AKT3: variants seen among roughly 807,000 people sequenced by gnomAD.
AKT3 encodes RAC-gamma serine/threonine-protein kinase.
A neutral mutation model predicts 65.3 loss-of-function variants in AKT3; 15 were observed. The ratio of observed to expected loss-of-function variants is 0.23; its 90% CI spans 0.15 to 0.35. AKT3 has a LOEUF of 0.35. AKT3 is among the 10% of genes least tolerant of loss of function. The probability of loss-of-function intolerance (pLI) is 1.00; values close to 1 mark genes in which losing one functional copy is unlikely to be tolerated. For missense variants in AKT3, 243 were observed against 576.5 expected (o/e 0.42, Z 5.92); for synonymous variants, 206 against 183.8 (o/e 1.12, Z -0.98).
At chr1:243,706,260 C>G (rs921895422) in intron 2 of AKT3, among the ~76,000 whole-genome samples, 2 of 152,194 alleles carry the variant, frequency 1.3e-5, no homozygotes, top group Admixed American at 6.5e-5. Flanking sequence ...AGAGAAGTCT[C>G]TCTATAACAC....
chr1:243,534,203 T>G (rs1671746843), intron 12 of AKT3, among the ~76,000 whole-genome samples: 1 of 152,262 alleles, frequency 6.6e-6, no homozygotes, highest in South Asian at 2.1e-4. Context: ...AAGATAGGCA[T>G]GCTCATAGTA....
At chr1:243,571,142 C>T (rs1674531183) in intron 9 of AKT3, among the ~76,000 whole-genome samples, 2 of 152,020 alleles carry the variant, frequency 1.3e-5, no homozygotes, top group Admixed American at 1.3e-4. Context: ...CTCCGTGAAA[C>T]CCTGTCTCTA....
intron 8 of AKT3, among the ~76,000 whole-genome samples, chr1:243,596,049 A>T (rs1386194268): frequency 6.6e-6 from 1 of 152,216 alleles, no homozygotes; most frequent in Non-Finnish European, 1.5e-5. Flanking sequence ...CAACATTTAC[A>T]TCACTAGGCA....
intron 2 of AKT3, among the ~76,000 whole-genome samples, chr1:243,742,098 A>C (rs1461563139): frequency 6.6e-6 from 1 of 151,610 alleles, no homozygotes; most frequent in Non-Finnish European, 1.5e-5. Context: ...TAACAATAGA[A>C]CAATATATGC....
chr1:243,686,642 TATATATA>T (rs1684324778), intron 3 of AKT3, among the ~76,000 whole-genome samples: 2 of 25,762 alleles, frequency 7.8e-5, no homozygotes, highest in Admixed American at 4.5e-4. Flanking sequence ...TATATATATA[TATATATA>T]TATTTTTTTT....
intron 5 of AKT3, among the ~76,000 whole-genome samples, chr1:243,639,528 G>C (rs1171986470): frequency 4.6e-5 from 7 of 152,108 alleles, no homozygotes; most frequent in African/African-American, 1.4e-4. Context: ...GTGACCTCCG[G>C]TTGTCCCCAC....
chr1:243,829,581 C>G (rs1190295700), intron 2 of AKT3, among the ~76,000 whole-genome samples: 1 of 151,966 alleles, frequency 6.6e-6, no homozygotes, highest in Non-Finnish European at 1.5e-5. Flanking sequence ...AAGGATAGGC[C>G]TCATATTTAA....
At chr1:243,798,733 C>T (rs2148359876) in intron 2 of AKT3, among the ~76,000 whole-genome samples, 1 of 152,220 alleles carries the variant, frequency 6.6e-6, no homozygotes, top group East Asian at 1.9e-4. Context: ...TTCTCTATTC[C>T]TCTCCACAAC....
At chr1:243,839,130 TATA>T (rs1695077833) in intron 2 of AKT3, among the ~76,000 whole-genome samples, 1 of 152,180 alleles carries the variant, frequency 6.6e-6, no homozygotes, top group African/African-American at 2.4e-5. Flanking sequence ...GTTAATAAAT[TATA>T]ATAAGCCCTT....
chr1:243,774,783 T>TA (rs35043391), intron 2 of AKT3, among the ~76,000 whole-genome samples: 1 of 152,148 alleles, frequency 6.6e-6, no homozygotes, highest in South Asian at 2.1e-4. Context: ...AAAATTCACA[T>TA]AAGGAAAAAA....
At chr1:243,573,938 G>A (rs1219578336) in intron 8 of AKT3, among the ~76,000 whole-genome samples, 1 of 152,182 alleles carries the variant, frequency 6.6e-6, no homozygotes, top group Non-Finnish European at 1.5e-5. Context: ...TTCAGGCACT[G>A]TGAATTGACT....
intron 3 of AKT3, among the ~76,000 whole-genome samples, chr1:243,667,488 T>G (rs1682877447): frequency 1.3e-5 from 2 of 151,934 alleles, no homozygotes; most frequent in South Asian, 4.2e-4. Flanking sequence ...TCACATTCAC[T>G]CCTCCTGCAA....
intron 13 of AKT3, among the ~76,000 whole-genome samples, chr1:243,507,443 T>C (rs1669741753): frequency 6.6e-6 from 1 of 152,218 alleles, no homozygotes; most frequent in Non-Finnish European, 1.5e-5. Context: ...CCATCATTCC[T>C]GCCCCTTTCT....
intron 2 of AKT3, among the ~76,000 whole-genome samples, chr1:243,699,555 T>A (rs558985827): frequency 2.7e-5 from 4 of 145,502 alleles, no homozygotes; most frequent in Non-Finnish European, 6.0e-5. Flanking sequence ...ACTCTTTTGC[T>A]GGAAGCTATA....
intron 6 of AKT3, among the ~76,000 whole-genome samples, chr1:243,617,681 G>A (rs182568590): frequency 4.6e-5 from 7 of 152,116 alleles, no homozygotes; most frequent in Non-Finnish European, 4.4e-5. Context: ...TGATGGTGTG[G>A]GACATAGAGA....
intron 2 of AKT3, among the ~76,000 whole-genome samples, chr1:243,769,350 A>G (rs898113616): frequency 6.6e-6 from 1 of 152,000 alleles, no homozygotes; most frequent in Admixed American, 6.6e-5. Context: ...GCTGAGACCT[A>G]CAACTCTATG....
At chr1:243,848,973 C>A (rs531334688) in intron 1 of AKT3, among the ~76,000 whole-genome samples, 1 of 152,318 alleles carries the variant, frequency 6.6e-6, no homozygotes, top group South Asian at 2.1e-4. Context: ...ATTTCCTCTG[C>A]TTTCAGAACA....
chr1:243,644,281 T>A (rs955271453), intron 5 of AKT3, among the ~76,000 whole-genome samples: 1 of 152,214 alleles, frequency 6.6e-6, no homozygotes, highest in African/African-American at 2.4e-5. Context: ...GTTGTCCTTA[T>A]ATGACATTTG....
intron 6 of AKT3, among the ~76,000 whole-genome samples, chr1:243,630,155 C>T (rs1679497839): frequency 6.6e-6 from 1 of 152,242 alleles, no homozygotes; most frequent in Non-Finnish European, 1.5e-5. Flanking sequence ...ACTGCACCCC[C>T]ACCAAGTTAC....
Sources: gnomAD v4.1 joint callset for allele counts (sites outside exome capture counted in the v4.1 genomes callset) on GRCh38, gnomAD v4.1.1 for gene constraint, MANE v1.5 for transcripts, NCBI Gene and HGNC (gene_info 2026-07-23, HGNC 2026-07-21) for gene names.